NAF1: variants seen among roughly 807,000 people sequenced by gnomAD.
The protein encoded by NAF1 is H/ACA ribonucleoprotein complex non-core subunit NAF1.
A neutral mutation model predicts 40.6 loss-of-function variants in NAF1; 11 were observed. The ratio of observed to expected loss-of-function variants is 0.27; its 90% CI spans 0.17 to 0.45. The LOEUF is 0.45. Ranked by LOEUF, NAF1 falls within the 20% of genes least tolerant of loss-of-function variation. The pLI, the probability that NAF1 is intolerant of heterozygous loss-of-function variation, is 1.00. For synonymous variants in NAF1, 260 were observed against 228.5 expected (o/e 1.14, Z -1.24); for missense variants, 607 against 611.1 (o/e 0.99, Z 0.07).
At position 163,153,567 on chromosome 4, in the gene NAF1, A is replaced by G. The variant is rs566721324; in HGVS notation, c.541-5133T>C. Among the ~76,000 whole-genome samples the G allele has an allele frequency of 2.7e-4, 39 of 146,932 alleles. No individual in the cohort carries two copies. In the East Asian group the frequency reaches 5.8e-3, roughly 22 times the overall value. ...CCTGTGTTTAGCTCAAGGTTTGTGA[A>G]TGCACCAATCGACACTCTGTATCTA... On this transcript the variant is annotated intron_variant, in intron 2 of 7. Transcript: ENST00000274054.
intron 2 of NAF1, among the ~76,000 whole-genome samples, chr4:163,118,048 T>A (rs1730404318): frequency 6.6e-6 from 1 of 152,210 alleles, no homozygotes; most frequent in Admixed American, 6.5e-5. Flanking sequence ...AGAGCCATTT[T>A]TGATGAACAA....
At chr4:163,130,402 C>T (rs1205461916) in intron 7 of NAF1, among the ~76,000 whole-genome samples, 1 of 151,994 alleles carries the variant, frequency 6.6e-6, no homozygotes, top group African/African-American at 2.4e-5. Flanking sequence ...AAATAAAGAA[C>T]AAATTGCAAT....
At chr4:163,155,467 T>C (rs1457612998) in intron 2 of NAF1, among the ~76,000 whole-genome samples, 2 of 152,174 alleles carry the variant, frequency 1.3e-5, no homozygotes, top group African/African-American at 4.8e-5. Context: ...AGTCTTTGTC[T>C]GAGCAGAAAT....
At chr4:163,161,442 G>A (rs1045404365) in intron 2 of NAF1, among the ~76,000 whole-genome samples, 8 of 151,860 alleles carry the variant, frequency 5.3e-5, no homozygotes, top group Non-Finnish European at 7.4e-5. Context: ...ACTGGGCTCC[G>A]GCCTGGGCGA....
intron 2 of NAF1, among the ~76,000 whole-genome samples, chr4:163,157,845 G>A (rs1050427954): frequency 6.6e-6 from 1 of 151,966 alleles, no homozygotes; most frequent in Non-Finnish European, 1.5e-5. Context: ...CAAAAAATGG[G>A]TGCCTAAAAC....
downstream of NAF1, among the ~76,000 whole-genome samples, chr4:163,127,284 C>T (rs1294299329): frequency 1.3e-5 from 2 of 152,174 alleles, no homozygotes; most frequent in African/African-American, 2.4e-5. Context: ...CACGTGCCAC[C>T]ACGCTCGGCT....
chr4:163,129,911 T>C (rs1018028662), intron 7 of NAF1, among the ~76,000 whole-genome samples: 17 of 152,152 alleles, frequency 1.1e-4, no homozygotes, highest in African/African-American at 3.6e-4. Flanking sequence ...TGTCAGTGCA[T>C]ACCATATGGG....
chr4:163,166,720 A>G lies in NAF1; in HGVS notation c.8T>C (p.Val3Ala). 3 of 1,613,242 alleles carry G rather than the reference A, an allele frequency of 1.9e-6. No homozygotes were observed. Among genetic ancestry groups the G allele is most frequent in the Non-Finnish European group, 2.5e-6 (3 of 1,179,938 alleles). The change falls in exon 1 of 8, where the codon GTA becomes GCA. Residue 3 changes from valine to alanine, a missense_variant. By Grantham distance (64) the Val-to-Ala change is moderately conservative. This residue lies in a region of NAF1 where 407 missense variants were observed against 365.5 expected (regional missense o/e 1.11). Coordinates refer to ENST00000274054, the MANE Select transcript of NAF1 (RefSeq NM_138386.3). Reference protein sequence around the residue: MEVVEAAAAQLET... With the variant: MEAVEAAAAQLET... The stretch of plus-strand genomic sequence containing the variant: ...CAGCTGAGCGGCGGCGGCCTCCACT[A>G]CCTCCATCGCACCGCGCCAGAAACC...
chr4:163,149,691 T>C (rs951092672), intron 2 of NAF1, among the ~76,000 whole-genome samples: 2 of 152,168 alleles, frequency 1.3e-5, no homozygotes, highest in Non-Finnish European at 2.9e-5. Context: ...TTCATCATAT[T>C]AAACGTGGAA....
chr4:163,116,969 A>T (rs973284888), intron 2 of NAF1, among the ~76,000 whole-genome samples: 1 of 152,148 alleles, frequency 6.6e-6, no homozygotes, highest in Non-Finnish European at 1.5e-5. Context: ...CTCCTCAGTA[A>T]GGCCCCAAAG....
chr4:163,137,179 A>G lies in NAF1; in HGVS notation c.930+20T>C, dbSNP rs1731091786. On this transcript the variant is annotated intron_variant, in intron 6 of 7. Transcript: ENST00000274054. ...CCTGCCCTACTTTATAAAATGTTGC[A>G]TAAAAAGACTTATACTTACCTCTGG... The G allele has an allele frequency of 6.2e-7, 1 of 1,611,784 alleles. No individual in the cohort carries two copies.
Position 163,128,760 on chromosome 4 carries a change from T to C in NAF1, c.*137A>G. ...CAATTTCACAAAGGTTACAAATATA[T>C]ATCAACTTACAACAGAAGGAATCAT... On this transcript the variant is annotated 3_prime_UTR_variant, in exon 8 of 8. Transcript: ENST00000274054. 1 of 1,202,080 alleles carries C rather than the reference T, an allele frequency of 8.3e-7. No homozygotes were observed. Among genetic ancestry groups the C allele is most frequent in the Non-Finnish European group, 1.1e-6 (1 of 923,416 alleles). 74.5% of individuals were successfully genotyped at this position (1,202,080 alleles called of 1,614,324 possible). A position where few individuals can be genotyped will look rare whatever the true frequency, so the allele number is the denominator to read the frequency against.
downstream of NAF1, chr4:163,108,783 T>C (rs931793353): frequency 3.3e-5 from 5 of 152,162 alleles, no homozygotes; most frequent in African/African-American, 4.8e-5. Flanking sequence ...ATTCCCTCAT[T>C]CAGTGAATAC....
At chr4:163,132,557 A>G (rs991306484) in intron 7 of NAF1, among the ~76,000 whole-genome samples, 8 of 152,218 alleles carry the variant, frequency 5.3e-5, no homozygotes, top group African/African-American at 1.9e-4. Flanking sequence ...GGTTGCCATG[A>G]GTGAAGGAGG....
rs1405019944 is a variant in NAF1 at position 163,145,796 on chromosome 4, G to A, written c.703C>T (p.Gln235Ter). Residue 235 changes from glutamine (Q) to a stop codon, truncating the protein, a stop_gained, in exon 4 of 8, where the codon CAA becomes TAA. Transcript: ENST00000274054. LOFTEE classifies it high-confidence loss of function. ...EETVIFKSDR[Q>*]AAGKIFEIFG... ...GTTTTACAAACCTTTCCTGCTGCTT[G>A]TCGATCACTTTTAAAAATTACAGTC... 1 of 1,584,324 alleles carries A rather than the reference G, an allele frequency of 6.3e-7. No homozygotes were observed. Among genetic ancestry groups the A allele is most frequent in the Non-Finnish European group, 8.6e-7 (1 of 1,159,326 alleles).
At chr4:163,160,840 TTAGA>T (rs1284707995) in intron 2 of NAF1, among the ~76,000 whole-genome samples, 2 of 152,114 alleles carry the variant, frequency 1.3e-5, no homozygotes, top group Non-Finnish European at 2.9e-5. Context: ...CAGAATTTCA[TTAGA>T]TAGTTAATAG....
intron 2 of NAF1, among the ~76,000 whole-genome samples, chr4:163,118,989 A>G (rs1230716186): frequency 6.6e-6 from 1 of 152,186 alleles, no homozygotes; most frequent in Non-Finnish European, 1.5e-5. Flanking sequence ...TTTCTATAAC[A>G]AAAACAAATT....
downstream of NAF1, chr4:163,127,092 A>G: frequency 1.3e-6 from 2 of 1,551,608 alleles, no homozygotes; most frequent in Non-Finnish European, 1.7e-6. Flanking sequence ...CCGAGGCCAC[A>G]ATATCTGTGA....
intron 2 of NAF1, among the ~76,000 whole-genome samples, chr4:163,152,750 TGAG>T (rs1398413927): frequency 6.6e-6 from 1 of 152,196 alleles, no homozygotes; most frequent in East Asian, 1.9e-4. Context: ...TGGCGGCACT[TGAG>T]GAGCCCTTCA....
Sources: allele counts gnomAD v4.1 joint callset (sites outside exome capture counted in the v4.1 genomes callset), GRCh38; gene constraint gnomAD v4.1.1; regional missense constraint gnomAD v4.1.1; transcripts MANE v1.5; gene names NCBI Gene and HGNC (gene_info 2026-07-23, HGNC 2026-07-21).